The following CDH4 variants were observed in gnomAD, a reference collection of about 807,000 sequenced individuals.
CDH4 encodes cadherin-4.
A neutral mutation model predicts 86.0 loss-of-function variants in CDH4; 33 were observed. That is an observed-to-expected ratio of 0.38 (90% CI 0.29 to 0.51). The LOEUF (loss-of-function observed/expected upper bound fraction) is 0.51, where lower values mean the gene tolerates loss of function less well. Ranked by LOEUF, CDH4 falls within the 20% of genes least tolerant of loss-of-function variation. The probability of loss-of-function intolerance (pLI) is 0.86; values close to 1 mark genes in which losing one functional copy is unlikely to be tolerated. For synonymous variants in CDH4, 555 were observed against 549.4 expected (o/e 1.01, Z -0.14); for missense variants, 1,114 against 1,307.4 (o/e 0.85, Z 2.28).
intron 8 of CDH4, among the ~76,000 whole-genome samples, chr20:61,897,878 T>C (rs1282254170): frequency 6.6e-6 from 1 of 152,238 alleles, no homozygotes; most frequent in East Asian, 1.9e-4. Flanking sequence ...TCTCAGCCAG[T>C]GTCTGCGGCA....
At chr20:61,697,645 A>G (rs1173013197) in intron 2 of CDH4, among the ~76,000 whole-genome samples, 1 of 152,124 alleles carries the variant, frequency 6.6e-6, no homozygotes, top group African/African-American at 2.4e-5. Flanking sequence ...TGCTCTCATC[A>G]CAGCTCCCTG....
intron 2 of CDH4, among the ~76,000 whole-genome samples, chr20:61,729,967 A>G (rs1304267274): frequency 6.6e-6 from 1 of 152,200 alleles, no homozygotes; most frequent in Non-Finnish European, 1.5e-5. Flanking sequence ...TACAGCTGAT[A>G]GATAGTGAAT....
rs545744819 is a variant in CDH4, at chr20:61,741,496, ACTT to A, written c.170-2066_170-2064del. ...GATGTCACCAAAGCTGTGTGCCTGTACTTTTTTTTTTTTGAGACCGAGTCTCGC... is the reference window on the plus strand; with the variant it reads ...GATGTCACCAAAGCTGTGTGCCTGTATTTTTTTTTTGAGACCGAGTCTCGC... On this transcript the variant is annotated intron_variant, in intron 2 of 15. Transcript: ENST00000614565. Among the ~76,000 whole-genome samples the A allele has an allele frequency of 2.0e-4, 25 of 123,938 alleles. No homozygotes were observed. The South Asian group carries it at 6.0e-3, about 30-fold the overall frequency. The allele number at this position is 123,938 out of a possible 152,430, so 81.3% of individuals were successfully genotyped here.
At chr20:61,425,566 C>T (rs1475600579) in intron 2 of CDH4, among the ~76,000 whole-genome samples, 1 of 152,250 alleles carries the variant, frequency 6.6e-6, no homozygotes, top group Non-Finnish European at 1.5e-5. Flanking sequence ...TGTGATTATC[C>T]GTGAGATAAG....
At chr20:61,253,117 G>T (rs1018887734) in intron 1 of CDH4, among the ~76,000 whole-genome samples, 1 of 151,534 alleles carries the variant, frequency 6.6e-6, no homozygotes. Flanking sequence ...GTGCCGGCAG[G>T]ACCCGCGCTG....
At chr20:61,426,113 G>GA (rs1568840100) in intron 2 of CDH4, among the ~76,000 whole-genome samples, 1 of 152,166 alleles carries the variant, frequency 6.6e-6, no homozygotes, top group Non-Finnish European at 1.5e-5. Context: ...TTAATTTTAT[G>GA]AAAAAAGCAA....
chr20:61,604,005 T>G (rs781070496), intron 2 of CDH4, among the ~76,000 whole-genome samples: 11 of 152,002 alleles, frequency 7.2e-5, no homozygotes, highest in Non-Finnish European at 1.2e-4. Context: ...ACGTGATTGA[T>G]CCTTCTTTAA....
intron 2 of CDH4, among the ~76,000 whole-genome samples, chr20:61,613,919 A>G (rs558732588): frequency 2.6e-5 from 4 of 152,208 alleles, no homozygotes; most frequent in African/African-American, 9.6e-5. Context: ...TGATTTTTCC[A>G]AATGCAGCTT....
In CDH4 at chr20:61,708,382, C is replaced by A. The variant is rs1181462890; in HGVS notation, c.170-35181C>A. 6.6e-6 allele frequency among the ~76,000 whole-genome samples: 1 copy of A among 152,066 alleles called. No homozygotes were observed. Among genetic ancestry groups the A allele is most frequent in the African/African-American group, 2.4e-5 (1 of 41,414 alleles). Reference sequence around the variant, plus strand: ...GGTTGGGGCACCACCCTCCACTCTCCACGTTGGCTGCCTCAGTCTGGGTCA... The same window carrying A: ...GGTTGGGGCACCACCCTCCACTCTCAACGTTGGCTGCCTCAGTCTGGGTCA... On this transcript the variant is annotated intron_variant, in intron 2 of 15. Transcript: ENST00000614565. The surrounding 1 kb of genome is among the most constrained non-coding windows in gnomAD (Gnocchi z 4.5).
Position 61,623,580 on chromosome 20 carries a change from C to G in CDH4, c.170-119983C>G, listed in dbSNP as rs1043003022. 6.6e-6 allele frequency among the ~76,000 whole-genome samples: 1 copy of G among 152,162 alleles called. No individual in the cohort carries two copies. Among genetic ancestry groups the G allele is most frequent in the African/African-American group, 2.4e-5 (1 of 41,444 alleles). ...CCGCAGGGTCATCAAGAGCTAGACC[C>G]AGCGGCCGTGTTGTCTTTCCTCTAC... is the stretch of plus-strand genomic sequence containing the variant. On this transcript the variant is annotated intron_variant, in intron 2 of 15. Coordinates refer to ENST00000614565, the MANE Select transcript of CDH4 (RefSeq NM_001794.5). This position sits in a 1 kb window ranked among gnomAD's most constrained non-coding sequence, Gnocchi z 4.4.
intron 2 of CDH4, among the ~76,000 whole-genome samples, chr20:61,589,975 G>T (rs2145730460): frequency 6.6e-6 from 1 of 152,166 alleles, no homozygotes; most frequent in East Asian, 1.9e-4. Context: ...GGGTCGGGAA[G>T]CAGCCGTGCC....
At chr20:61,836,621 A>T (rs1981890924) in intron 4 of CDH4, among the ~76,000 whole-genome samples, 1 of 152,242 alleles carries the variant, frequency 6.6e-6, no homozygotes, top group African/African-American at 2.4e-5. Context: ...AGAAATACAA[A>T]CATCTTCAAA....
chr20:61,661,254 C>T (rs922686012), intron 2 of CDH4, among the ~76,000 whole-genome samples: 1 of 152,176 alleles, frequency 6.6e-6, no homozygotes, highest in Non-Finnish European at 1.5e-5. Context: ...CCAGCACCCC[C>T]CAGGCTCTCA....
chr20:61,906,613 T>A (rs934403848), intron 8 of CDH4, among the ~76,000 whole-genome samples: 2 of 151,798 alleles, frequency 1.3e-5, no homozygotes, highest in African/African-American at 4.9e-5. Context: ...GCGGAGGGAG[T>A]GGCCCTGAGC....
chr20:61,321,960 C>T (rs1568796865), intron 2 of CDH4, among the ~76,000 whole-genome samples: 1 of 151,524 alleles, frequency 6.6e-6, no homozygotes, highest in African/African-American at 2.4e-5. Flanking sequence ...AATAATATAA[C>T]AAGGAGCTGC....
chr20:61,498,673 T>A (rs1206177266), intron 2 of CDH4, among the ~76,000 whole-genome samples: 2 of 152,160 alleles, frequency 1.3e-5, no homozygotes, highest in African/African-American at 4.8e-5. Flanking sequence ...GGTGGTCTAA[T>A]CTTTTGTCTT....
intron 2 of CDH4, among the ~76,000 whole-genome samples, chr20:61,368,370 G>T (rs1302958870): frequency 6.6e-6 from 1 of 152,174 alleles, no homozygotes; most frequent in Non-Finnish European, 1.5e-5. Context: ...AGAGGTTCCA[G>T]AGAGAACCTG....
At chr20:61,837,254 G>A (rs1333769836) in intron 4 of CDH4, among the ~76,000 whole-genome samples, 2 of 152,184 alleles carry the variant, frequency 1.3e-5, no homozygotes, top group Non-Finnish European at 2.9e-5. Flanking sequence ...AGAGCTGGTG[G>A]GAGTGAGAGA....
intron 2 of CDH4, among the ~76,000 whole-genome samples, chr20:61,527,107 A>G (rs980429387): frequency 5.9e-5 from 9 of 152,272 alleles, no homozygotes; most frequent in African/African-American, 1.2e-4. Context: ...CTACGCGCAC[A>G]TACAGAGAAA....
Sources: allele counts gnomAD v4.1 joint callset (sites outside exome capture counted in the v4.1 genomes callset), GRCh38; gene constraint gnomAD v4.1.1; non-coding constraint Gnocchi (gnomAD v3.1); transcripts MANE v1.5; gene names NCBI Gene and HGNC (gene_info 2026-07-23, HGNC 2026-07-21).